The following NTM variants were observed in gnomAD, a reference collection of about 807,000 sequenced individuals.
The protein encoded by NTM is IgLON family member 2.
NTM carries 13 observed loss-of-function variants against 42.1 expected under a neutral mutation model. The ratio of observed to expected loss-of-function variants is 0.31; its 90% confidence interval spans 0.20 to 0.49. The LOEUF is 0.49. NTM is among the 20% of genes least tolerant of loss of function. NTM has a pLI of 0.99. For synonymous variants in NTM, 187 were observed against 179.2 expected, an observed-to-expected ratio of 1.04 and a Z score of -0.35; for missense variants, 373 against 452.8, an observed-to-expected ratio of 0.82 and a Z score of 1.60.
intron 1 of NTM, among the ~76,000 whole-genome samples, chr11:131,407,885 G>T (rs1945973735): frequency 6.6e-6 from 1 of 152,148 alleles, no homozygotes; most frequent in Non-Finnish European, 1.5e-5. Context: ...TTAATAAATG[G>T]TTCTTATCTC....
intron 7 of NTM, among the ~76,000 whole-genome samples, chr11:132,324,438 TAA>T (rs1296594110): frequency 6.7e-6 from 1 of 150,328 alleles, no homozygotes; most frequent in East Asian, 1.9e-4. Flanking sequence ...TGAAAGAGAA[TAA>T]AATACCTAGG....
chr11:131,633,457 G>A (rs1157931609), intron 1 of NTM, among the ~76,000 whole-genome samples: 6 of 152,106 alleles, frequency 3.9e-5, no homozygotes, highest in Non-Finnish European at 7.4e-5. Flanking sequence ...AGGTTGTTCT[G>A]TCTTCTAGTC....
intron 7 of NTM, among the ~76,000 whole-genome samples, chr11:132,322,306 T>G (rs534096637): frequency 0.033 from 5,014 of 151,458 alleles, 248 homozygotes; most frequent in African/African-American, 0.11. Flanking sequence ...GAGACACACA[T>G]AGGCTCAAAA....
At chr11:131,966,683 T>G (rs978481921) in intron 2 of NTM, among the ~76,000 whole-genome samples, 2 of 151,918 alleles carry the variant, frequency 1.3e-5, no homozygotes, top group African/African-American at 4.8e-5. Context: ...TGGTGTCAGG[T>G]AAGTAGTTGG....
intron 1 of NTM, among the ~76,000 whole-genome samples, chr11:131,450,894 G>A (rs1306009741): frequency 2.0e-5 from 3 of 152,084 alleles, no homozygotes; most frequent in Non-Finnish European, 4.4e-5. Flanking sequence ...AGAAATGTTT[G>A]TTGAATAAAT....
At chr11:132,283,388 G>A (rs1229165174) in intron 4 of NTM, among the ~76,000 whole-genome samples, 3 of 152,124 alleles carry the variant, frequency 2.0e-5, no homozygotes, top group Non-Finnish European at 4.4e-5. Context: ...CAGCCCAATA[G>A]TTCTAAGGGA....
intron 1 of NTM, among the ~76,000 whole-genome samples, chr11:131,825,837 A>T (rs957718932): frequency 2.7e-4 from 41 of 152,316 alleles, no homozygotes; most frequent in African/African-American, 9.9e-4. Flanking sequence ...ACAGAGAAAA[A>T]TATGAATTCA....
chr11:131,530,425 CAAAAAAAAAA>C (rs60376694), intron 1 of NTM, among the ~76,000 whole-genome samples: 3 of 84,970 alleles, frequency 3.5e-5, no homozygotes, highest in Non-Finnish European at 8.3e-5. Context: ...GTGCCTTTCT[CAAAAAAAAAA>C]AAAAAAAAGA....
At chr11:131,666,777 C>T (rs1258724063) in intron 1 of NTM, among the ~76,000 whole-genome samples, 3 of 152,186 alleles carry the variant, frequency 2.0e-5, no homozygotes, top group Admixed American at 6.5e-5. Context: ...CAAAGCTGCA[C>T]TCACTAAAGG....
At chr11:131,437,237 G>A (rs1949212181) in intron 1 of NTM, among the ~76,000 whole-genome samples, 1 of 152,228 alleles carries the variant, frequency 6.6e-6, no homozygotes, top group South Asian at 2.1e-4. Flanking sequence ...GTGCGATGTG[G>A]TGCTGAGAAG....
At chr11:132,202,059 GATTA>G (rs1333105055) in intron 3 of NTM, among the ~76,000 whole-genome samples, 6 of 152,132 alleles carry the variant, frequency 3.9e-5, no homozygotes, top group Non-Finnish European at 8.8e-5. Flanking sequence ...TAATGAATTA[GATTA>G]ATTGATTCCT....
intron 4 of NTM, among the ~76,000 whole-genome samples, chr11:132,295,108 CCT>C (rs147791924): frequency 6.2e-4 from 91 of 147,962 alleles, no homozygotes; most frequent in Admixed American, 6.8e-4. Context: ...TGAATCCAGC[CCT>C]CTCTCTCTCT....
chr11:131,587,755 C>A (rs1243767175), intron 1 of NTM, among the ~76,000 whole-genome samples: 1 of 152,124 alleles, frequency 6.6e-6, no homozygotes, highest in African/African-American at 2.4e-5. Flanking sequence ...CATGACTGTG[C>A]ATCAGAAACA....
chr11:132,279,169 C>G (rs762627496), intron 4 of NTM, among the ~76,000 whole-genome samples: 11 of 152,152 alleles, frequency 7.2e-5, no homozygotes, highest in Admixed American at 3.9e-4. Context: ...TTTATTCCAG[C>G]TATCTTTTCA....
intron 3 of NTM, among the ~76,000 whole-genome samples, chr11:132,209,238 G>A (rs1224361113): frequency 6.6e-6 from 1 of 152,222 alleles, no homozygotes; most frequent in Admixed American, 6.5e-5. Context: ...TGTCCTGGAA[G>A]GCTCCATGTA....
intron 1 of NTM, among the ~76,000 whole-genome samples, chr11:131,722,896 T>A (rs2078538330): frequency 6.6e-6 from 1 of 152,248 alleles, no homozygotes; most frequent in African/African-American, 2.4e-5. Context: ...TCATACTTGG[T>A]TCATGGAGAG....
At chr11:131,504,703 G>A (rs535480669) in intron 1 of NTM, among the ~76,000 whole-genome samples, 2 of 152,114 alleles carry the variant, frequency 1.3e-5, no homozygotes, top group East Asian at 1.9e-4. Context: ...GGCCATCTGG[G>A]TGTCAGCGTG....
At position 132,314,680 on chromosome 11, in the gene NTM, C is replaced by A; in HGVS notation, c.911C>A (p.Thr304Asn). Residue 304 changes from threonine (T) to asparagine (N), a missense_variant, in exon 7 of 9, where the codon ACC becomes AAC. Transcript: ENST00000683400. Reference sequence around the variant, plus strand: ...GTGGCCTCCAACAAGCTGGGCCACACCAATGCCAGCATCATGCTATTTGGT... The same window carrying A: ...GTGGCCTCCAACAAGCTGGGCCACAACAATGCCAGCATCATGCTATTTGGT... ...TCVASNKLGH[T>N]NASIMLFEVK... The A allele has an allele frequency of 5.0e-6, 8 of 1,613,428 alleles. No homozygotes were observed. Among genetic ancestry groups the A allele is most frequent in the Non-Finnish European group, 6.8e-6 (8 of 1,179,762 alleles).
At chr11:131,533,607 T>C (rs1320027137) in intron 1 of NTM, among the ~76,000 whole-genome samples, 1 of 152,166 alleles carries the variant, frequency 6.6e-6, no homozygotes, top group Non-Finnish European at 1.5e-5. Context: ...CCCGTGTCAT[T>C]GAGGTGGGCT....
Sources: gnomAD v4.1 joint callset for allele counts (sites outside exome capture counted in the v4.1 genomes callset) on GRCh38, gnomAD v4.1.1 for gene constraint, MANE v1.5 for transcripts, NCBI Gene and HGNC (gene_info 2026-07-23, HGNC 2026-07-21) for gene names.